WASHC3: variants seen among roughly 807,000 people sequenced by gnomAD.
WASHC3 encodes the protein WASH complex subunit CCDC53.
Under a neutral mutation model 26.1 loss-of-function variants are expected in WASHC3, and 24 were observed. The ratio of observed to expected loss-of-function variants is 0.92; its 90% CI spans 0.66 to 1.29. The LOEUF is 1.29. Among genes scored for constraint, WASHC3 ranks in the 50% most tolerant of loss-of-function variants. WASHC3 has a pLI of 0.00. For synonymous variants in WASHC3, 77 were observed against 75.7 expected (o/e 1.02, Z -0.09); for missense variants, 214 against 229.6 (o/e 0.93, Z 0.44).
intron 6 of WASHC3, among the ~76,000 whole-genome samples, chr12:102,021,433 T>C (rs17032226): frequency 0.028 from 4,332 of 152,280 alleles, 336 homozygotes; most frequent in East Asian, 0.27. Flanking sequence ...GTCACTTGCT[T>C]GCTAGCCACT....
chr12:102,048,808 A>G (rs375027486), intron 2 of WASHC3, among the ~76,000 whole-genome samples: 1 of 152,192 alleles, frequency 6.6e-6, no homozygotes, highest in South Asian at 2.1e-4. Flanking sequence ...TTGTAATCCT[A>G]TGCATTTTAT....
At chr12:102,041,015 C>A (rs1877915407) in intron 4 of WASHC3, among the ~76,000 whole-genome samples, 1 of 151,740 alleles carries the variant, frequency 6.6e-6, no homozygotes, top group African/African-American at 2.4e-5. Context: ...TAAATTAAAT[C>A]TGTCAAAAAC....
intron 2 of WASHC3, among the ~76,000 whole-genome samples, chr12:102,051,157 G>A (rs895821364): frequency 2.3e-4 from 35 of 152,178 alleles, no homozygotes; most frequent in African/African-American, 8.0e-4. Flanking sequence ...CTGGCTTGAG[G>A]GTTTATCTGT....
Sources: allele counts gnomAD v4.1 joint callset (sites outside exome capture counted in the v4.1 genomes callset), GRCh38; gene constraint gnomAD v4.1.1; transcripts MANE v1.5; gene names NCBI Gene and HGNC (gene_info 2026-07-23, HGNC 2026-07-21).